VPS16: variants seen among roughly 807,000 people sequenced by gnomAD.
VPS16 encodes the protein vacuolar protein sorting-associated protein 16 homolog.
VPS16 carries 82 observed loss-of-function variants against 116.0 expected under a neutral mutation model. That is an observed-to-expected ratio of 0.71 (90% CI 0.59 to 0.85). The LOEUF (loss-of-function observed/expected upper bound fraction) is 0.85, where lower values mean the gene tolerates loss of function less well. VPS16 is among the 40% of genes least tolerant of loss of function. The pLI is 0.00. For missense variants in VPS16, 928 were observed against 1,090.6 expected (o/e 0.85, Z 2.10); for synonymous variants, 406 against 420.7 (o/e 0.96, Z 0.43).
At chr20:2,847,058 ATCCATACCCTGTGCTACCC>A (rs2089067506) in intron 1 of VPS16, among the ~76,000 whole-genome samples, 1 of 152,112 alleles carries the variant, frequency 6.6e-6, no homozygotes, top group Non-Finnish European at 1.5e-5. Context: ...CACTCTGCCC[ATCCATACCCTGTGCTACCC>A]TCCAGGCACA....
In VPS16 at chr20:2,860,223, C is replaced by T. The variant is rs1486960766; in HGVS notation, c.241-16C>T. The T allele has an allele frequency of 6.2e-7, 1 of 1,613,882 alleles. No homozygotes were observed. Among genetic ancestry groups the T allele is most frequent in the South Asian group, 1.1e-5 (1 of 91,062 alleles). On this transcript the variant is annotated splice_polypyrimidine_tract_variant and intron_variant, in intron 3 of 23. Transcript: ENST00000380445. This position sits in a 1 kb window ranked among gnomAD's most constrained non-coding sequence, Gnocchi z 6.1. ...CCTCACCTGAGGACAGCCTTAGGAA[C>T]CTCTCTCCCCTGCAGTGGAAGAGTG...
chr20:2,858,924 C>T lies in VPS16; in HGVS notation c.54-795C>T, dbSNP rs144627361. On this transcript the variant is annotated intron_variant, in intron 1 of 23. Transcript: ENST00000380445. ...GGATTTCTTTCAGGCACTGCTAACT[C>T]AGTACCTCTAAAACTAAGTTCATCA... Among the ~76,000 whole-genome samples the T allele has an allele frequency of 2.9e-3, 448 of 152,288 alleles. 3 individuals are homozygous for T. Among genetic ancestry groups the T allele is most frequent in the African/African-American group, 0.01 (416 of 41,554 alleles).
intron 1 of VPS16, among the ~76,000 whole-genome samples, chr20:2,842,605 T>TATAGATAG (rs2088990731): frequency 6.7e-6 from 1 of 149,636 alleles, no homozygotes; most frequent in African/African-American, 2.5e-5. Flanking sequence ...AGACTCCGTC[T>TATAGATAG]ATATATAGAT....
At chr20:2,858,415 T>A (rs2089196088) in intron 1 of VPS16, among the ~76,000 whole-genome samples, 2 of 152,158 alleles carry the variant, frequency 1.3e-5, no homozygotes, top group East Asian at 3.8e-4. Flanking sequence ...TACTTTGGAT[T>A]TTCTAAGTAG....
Position 2,860,868 on chromosome 20 carries a change from G to A in VPS16, c.630+5G>A, listed in dbSNP as rs760056609. 9 of 1,614,130 alleles carry A rather than the reference G, an allele frequency of 5.6e-6. No homozygotes were observed. Among genetic ancestry groups the A allele is most frequent in the South Asian group, 4.4e-5 (4 of 91,088 alleles). On this transcript the variant is annotated splice_donor_5th_base_variant and intron_variant, in intron 6 of 23. Coordinates refer to ENST00000380445, the MANE Select transcript of VPS16 (RefSeq NM_022575.4). This position sits in a 1 kb window ranked among gnomAD's most constrained non-coding sequence, Gnocchi z 6.1. ...CATGCAGCCTGCTCCGCAGTGGTAA[G>A]GGCCCTGAGTGGGAATGAAGTGGAC...
At chr20:2,861,466 G>A (rs2089226822) in intron 8 of VPS16, 149 bp from the exon 9 acceptor site, 1 of 1,334,888 alleles carries the variant, frequency 7.5e-7, no homozygotes, top group African/African-American at 1.5e-5. Context: ...TGAGCTGAGA[G>A]CTCAGGGATA....
At chr20:2,852,155 G>C (rs116026668) in intron 1 of VPS16, among the ~76,000 whole-genome samples, 1 of 152,142 alleles carries the variant, frequency 6.6e-6, no homozygotes, top group Admixed American at 6.6e-5. Context: ...AAAGTGCTGC[G>C]ATGTTGCTGA....
Position 2,861,910 on chromosome 20 carries a change from C to G in VPS16, c.994+11C>G. 1 of 1,612,714 alleles carries G rather than the reference C, an allele frequency of 6.2e-7. No individual in the cohort carries two copies. Among genetic ancestry groups the G allele is most frequent in the Non-Finnish European group, 8.5e-7 (1 of 1,179,478 alleles). ...TGCATGAGGTTCCAGGTGAGGCCTT[C>G]ACAAGGGCACCACATAACCCAAGGT... On this transcript the variant is annotated intron_variant, in intron 10 of 23. Transcript: ENST00000380445.
At position 2,866,546 on chromosome 20, in the gene VPS16, G is replaced by C; in HGVS notation, c.2492G>C (p.Arg831Pro). 2 of 1,614,164 alleles carry C rather than the reference G, an allele frequency of 1.2e-6. No individual in the cohort carries two copies. The highest frequency in any genetic ancestry group is 1.7e-6 in the Non-Finnish European group (2 of 1,180,022). Reference protein sequence around the residue: ...TDGATADKIQRARAQAQKK With the variant: ...TDGATADKIQPARAQAQKK The stretch of plus-strand genomic sequence containing the variant: ...GGGGCCACAGCTGACAAGATTCAAC[G>C]GGCCAGGGCACAAGCCCAGAAGAAG... The change falls in exon 24 of 24, where the codon CGG (arginine) becomes CCG (proline). Residue 831 changes from arginine to proline, a missense_variant. Coordinates refer to ENST00000380445, the MANE Select transcript of VPS16 (RefSeq NM_022575.4).
Position 2,863,011 on chromosome 20 carries a change from A to G in VPS16, c.1332-54A>G. 1 of 1,614,056 alleles carries G rather than the reference A, an allele frequency of 6.2e-7. No homozygotes were observed. The highest frequency in any genetic ancestry group is 2.2e-5 in the East Asian group (1 of 44,886). ...AGGGGCTGGAGATGCGTCTGCAGGT[A>G]CCTGGCAAGCGGGGCTTATTCTCCA... On this transcript the variant is annotated intron_variant, in intron 13 of 23. Coordinates refer to ENST00000380445, the MANE Select transcript of VPS16 (RefSeq NM_022575.4). The surrounding 1 kb of genome is among the most constrained non-coding windows in gnomAD (Gnocchi z 4.4).
chr20:2,848,733 C>G (rs114787038), intron 1 of VPS16, among the ~76,000 whole-genome samples: 3,101 of 152,254 alleles, frequency 0.02, 98 homozygotes, highest in African/African-American at 0.058. Flanking sequence ...AGCTGCAGTG[C>G]TTTGCAGAAT....
intron 1 of VPS16, among the ~76,000 whole-genome samples, chr20:2,850,912 A>G (rs991873222): frequency 9.3e-5 from 14 of 150,284 alleles, no homozygotes; most frequent in Admixed American, 2.0e-4. Flanking sequence ...GGTCATGGCT[A>G]CAGTGAGCCA....
Position 2,862,849 on chromosome 20 carries a change from G to A in VPS16, c.1246G>A (p.Asp416Asn), listed in dbSNP as rs749824034. Reference protein sequence around the residue: ...GKCFLDRFPPDSFVHMCQDLR... With the variant: ...GKCFLDRFPPNSFVHMCQDLR... ...GTGTTTCCTGGACAGATTTCCACCC[G>A]ACAGCTTCGTGCACATGTGTCAGGA... The change falls in exon 13 of 24, where the codon GAC (aspartate) becomes AAC (asparagine). Residue 416 changes from aspartate to asparagine, a missense_variant. Transcript: ENST00000380445. 1.7e-5 allele frequency: 27 copies of A among 1,613,938 alleles called. No individual in the cohort carries two copies. The highest frequency in any genetic ancestry group is 3.3e-5 in the South Asian group (3 of 91,086).
intron 1 of VPS16, among the ~76,000 whole-genome samples, chr20:2,854,029 T>C (rs192636997): frequency 1.3e-5 from 2 of 152,220 alleles, no homozygotes; most frequent in East Asian, 3.9e-4. Context: ...CCAGCTGAGA[T>C]TGCACCACTG....
chr20:2,851,176 G>C (rs192380382), intron 1 of VPS16, among the ~76,000 whole-genome samples: 1 of 152,124 alleles, frequency 6.6e-6, no homozygotes, highest in Non-Finnish European at 1.5e-5. Flanking sequence ...TATAATATCA[G>C]ACAAGCAAGA....
Position 2,866,251 on chromosome 20 carries a change from G to A in VPS16, c.2311G>A (p.Glu771Lys), listed in dbSNP as rs758086716. Residue 771 changes from glutamate (E) to lysine (K), a missense_variant, in exon 23 of 24, where the codon GAA becomes AAA. Transcript: ENST00000380445. ...EICMKQHNKY[E>K]AKKYASRVGP... is the part of the protein sequence containing the mutation. ...CTGCATGAAACAACATAACAAATAC[G>A]AAGCCAAGAAGTATGCTTCCCGCGT... The A allele has an allele frequency of 5.0e-6, 8 of 1,613,810 alleles. No individual in the cohort carries two copies. The highest frequency in any genetic ancestry group is 1.6e-4 in the Middle Eastern group (1 of 6,062).
At chr20:2,842,645 TAGATATAGATAG>T (rs2088993329) in intron 1 of VPS16, among the ~76,000 whole-genome samples, 1 of 147,828 alleles carries the variant, frequency 6.8e-6, no homozygotes, top group African/African-American at 2.5e-5. Context: ...TATAGATAGA[TAGATATAGATAG>T]ATATATAGAT....
At chr20:2,862,538 T>C in intron 11 of VPS16, 41 bp from the exon 12 acceptor site, 1 of 1,600,130 alleles carries the variant, frequency 6.2e-7, no homozygotes, top group Non-Finnish European at 8.5e-7. Flanking sequence ...GTGGGAGTGT[T>C]CTCTGTCATG....
At chr20:2,849,618 G>A (rs1024649702) in intron 1 of VPS16, among the ~76,000 whole-genome samples, 1 of 151,180 alleles carries the variant, frequency 6.6e-6, no homozygotes, top group African/African-American at 2.5e-5. Flanking sequence ...TTTTTTTTGG[G>A]GGGGGTGGGT....
Sources: allele counts gnomAD v4.1 joint callset (sites outside exome capture counted in the v4.1 genomes callset), GRCh38; gene constraint gnomAD v4.1.1; non-coding constraint Gnocchi (gnomAD v3.1); transcripts MANE v1.5; gene names NCBI Gene and HGNC (gene_info 2026-07-23, HGNC 2026-07-21).